Variants in NISCH observed in about 807,000 individuals in gnomAD.
The protein encoded by NISCH is I-1 receptor candidate protein.
Under a neutral mutation model 138.4 loss-of-function variants are expected in NISCH, and 55 were observed. That is an observed-to-expected ratio of 0.40 (90% CI 0.32 to 0.50). The LOEUF is 0.50. Among genes scored for constraint, NISCH ranks in the 20% least tolerant of loss-of-function variants. The probability of loss-of-function intolerance (pLI) is 0.71; values close to 1 mark genes in which losing one functional copy is unlikely to be tolerated. For synonymous variants in NISCH, 860 were observed against 861.5 expected, an observed-to-expected ratio of 1.00 and a Z score of 0.03; for missense variants, 1,643 against 2,005.5, an observed-to-expected ratio of 0.82 and a Z score of 3.45.
intron 3 of NISCH, among the ~76,000 whole-genome samples, chr3:52,465,584 C>T (rs562522719): frequency 3.3e-5 from 5 of 152,342 alleles, no homozygotes; most frequent in East Asian, 3.9e-4. Flanking sequence ...TGTCCTGACC[C>T]TCCTGGACGC....
intron 3 of NISCH, among the ~76,000 whole-genome samples, chr3:52,466,563 CAAAAAA>C (rs56199620): frequency 8.2e-6 from 1 of 122,650 alleles, no homozygotes. Context: ...GACTCCATCT[CAAAAAA>C]AAAAAAAAAA....
chr3:52,471,587 C>T (rs1432087285), intron 4 of NISCH: 1 of 579,656 alleles, frequency 1.7e-6, no homozygotes, highest in Non-Finnish European at 3.1e-6. Flanking sequence ...GCTCCCCAGC[C>T]TCACAGCCCC....
Position 52,492,516 on chromosome 3 carries a change from G to T in NISCH, c.*34G>T, listed in dbSNP as rs78178109. 4,624 of 1,546,500 alleles carry T rather than the reference G, an allele frequency of 3.0e-3. 131 individuals are homozygous for T. In the African/African-American group the frequency reaches 0.055, roughly 18 times the overall value. ...ACAGCCAGCCTGTCGTGTCCAGCCT[G>T]ACGCCTACTGGGGCAGGGCAGCAGG... On this transcript the variant is annotated 3_prime_UTR_variant, in exon 21 of 21. Coordinates refer to ENST00000345716, the MANE Select transcript of NISCH (RefSeq NM_007184.4).
chr3:52,458,991 T>C, intron 3 of NISCH, 147 bp downstream of exon 3: 1 of 608,302 alleles, frequency 1.6e-6, no homozygotes, highest in Non-Finnish European at 2.8e-6. Context: ...TGGTTAGGAA[T>C]GCATTGTGGC....
At position 52,473,847 on chromosome 3, in the gene NISCH, C is replaced by T. The variant is rs775135784; in HGVS notation, c.765+18C>T. The T allele has an allele frequency of 1.5e-5, 23 of 1,567,298 alleles. No homozygotes were observed. In the East Asian group the frequency reaches 3.6e-4, roughly 25 times the overall value. On this transcript the variant is annotated intron_variant, in intron 7 of 20. Transcript: ENST00000345716. ...CGATGAAGGTAAGCTTCACCTATAT[C>T]CTGCCTGGGGCAATGTCTGTGGATC...
intron 7 of NISCH, among the ~76,000 whole-genome samples, chr3:52,475,075 G>A (rs1707061271): frequency 6.6e-6 from 1 of 152,134 alleles, no homozygotes; most frequent in African/African-American, 2.4e-5. Context: ...CTTAGGTTTG[G>A]GCCAGGTGTG....
At chr3:52,460,400 A>ATT (rs60949920) in intron 3 of NISCH, among the ~76,000 whole-genome samples, 1 of 114,436 alleles carries the variant, frequency 8.7e-6, no homozygotes, top group African/African-American at 3.5e-5. Context: ...TGGCTGTACT[A>ATT]TTTTTTTTTT....
In NISCH at chr3:52,484,655, C is replaced by T; in HGVS notation, c.1653+18C>T. 1 of 1,613,492 alleles carries T rather than the reference C, an allele frequency of 6.2e-7. No homozygotes were observed. The highest frequency in any genetic ancestry group is 1.3e-5 in the African/African-American group (1 of 74,998). On this transcript the variant is annotated intron_variant, in intron 14 of 20. Transcript: ENST00000345716. ...CGGGACAGGTAATGCCCTCTTCCCG[C>T]TTCTGGGGACCATACATCTGTGGGT...
intron 13 of NISCH, among the ~76,000 whole-genome samples, chr3:52,483,301 C>G (rs1017517326): frequency 1.3e-5 from 2 of 152,162 alleles, no homozygotes; most frequent in Non-Finnish European, 2.9e-5. Context: ...GGGGTCTCGA[C>G]CTGTGGGGCT....
intron 17 of NISCH, 28 bp downstream of exon 17, chr3:52,489,706 A>G (rs1707511489): frequency 1.9e-6 from 3 of 1,599,450 alleles, no homozygotes; most frequent in Non-Finnish European, 2.6e-6. Flanking sequence ...GGTGCCAGCT[A>G]TGGCACGGCC....
chr3:52,457,791 C>T, intron 1 of NISCH, 52 bp from the exon 2 acceptor site: 1 of 1,241,836 alleles, frequency 8.1e-7, no homozygotes, highest in Non-Finnish European at 1.2e-6. Context: ...GGGGAGGAGA[C>T]TCCTTGTTGC....
chr3:52,478,357 T>A (rs1329694254), intron 10 of NISCH, 75 bp downstream of exon 10: 11 of 1,606,032 alleles, frequency 6.8e-6, no homozygotes, highest in Non-Finnish European at 9.4e-6. Flanking sequence ...ATGTTAAGAT[T>A]CCTTTCATTT....
In NISCH at chr3:52,485,769, C is replaced by T. The variant is rs1448545926; in HGVS notation, c.1654-9C>T. 2 of 1,575,330 alleles carry T rather than the reference C, an allele frequency of 1.3e-6. No homozygotes were observed. The highest frequency in any genetic ancestry group is 1.7e-6 in the Non-Finnish European group (2 of 1,159,026). On this transcript the variant is annotated splice_polypyrimidine_tract_variant and intron_variant, in intron 14 of 20. Transcript: ENST00000345716. ...AGGTGGGGACTGACTGTGTTTCTTT[C>T]TCCATCAGGCAGCTTCCGATGATTT...
intron 16 of NISCH, among the ~76,000 whole-genome samples, chr3:52,488,941 A>G (rs1319421965): frequency 1.3e-5 from 2 of 152,164 alleles, no homozygotes; most frequent in Non-Finnish European, 2.9e-5. Context: ...CACCGAGGCC[A>G]GGAGAGCTGT....
At chr3:52,490,892 T>C in intron 19 of NISCH, 59 bp downstream of exon 19, 1 of 1,601,880 alleles carries the variant, frequency 6.2e-7, no homozygotes, top group Non-Finnish European at 8.5e-7. Flanking sequence ...ACCAGTGGGC[T>C]TCCACCTTCC....
chr3:52,473,935 A>T (rs1707023969), intron 7 of NISCH, 106 bp downstream of exon 7: 2 of 651,610 alleles, frequency 3.1e-6, no homozygotes, highest in Admixed American at 2.5e-5. Context: ...GTCTATCAGT[A>T]TTCAGAGGCT....
rs1249583475 is a variant in NISCH at position 52,479,930 on chromosome 3, G to T, written c.1416+68G>T. 3.9e-6 allele frequency: 5 copies of T among 1,285,562 alleles called. No homozygotes were observed. In the African/African-American group the frequency reaches 4.4e-5, roughly 11 times the overall value. 79.6% of individuals were successfully genotyped at this position (1,285,562 alleles called of 1,614,324 possible). A position where few individuals can be genotyped will look rare whatever the true frequency, so the allele number is the denominator to read the frequency against. On this transcript the variant is annotated intron_variant, in intron 12 of 20. Coordinates refer to ENST00000345716, the MANE Select transcript of NISCH (RefSeq NM_007184.4). ...GCCGGGATAGGAGCCAGTTTGGGGG[G>T]CTTGGGCCATGGGACTGCTCAGGGC...
chr3:52,479,640 C>T, intron 11 of NISCH, 109 bp from the exon 12 acceptor site: 1 of 815,768 alleles, frequency 1.2e-6, no homozygotes, highest in Non-Finnish European at 2.0e-6. Flanking sequence ...CAGAGCCCTA[C>T]CATCCTCCTG....
At chr3:52,484,462 T>TGGGGGGGC in intron 13 of NISCH, 51 bp from the exon 14 acceptor site, 1 of 788,670 alleles carries the variant, frequency 1.3e-6, no homozygotes, top group Non-Finnish European at 1.8e-6. Flanking sequence ...ACAGCCGCTC[T>TGGGGGGGC]CCCCGCCCCA....
Sources: allele counts gnomAD v4.1 joint callset (sites outside exome capture counted in the v4.1 genomes callset), GRCh38; gene constraint gnomAD v4.1.1; transcripts MANE v1.5; gene names NCBI Gene and HGNC (gene_info 2026-07-23, HGNC 2026-07-21).